GALNT13: variants seen among roughly 807,000 people sequenced by gnomAD.
GALNT13 encodes UDP-GalNAc:polypeptide N-acetylgalactosaminyltransferase 13.
A neutral mutation model predicts 64.2 loss-of-function variants in GALNT13; 28 were observed. The observed-to-expected ratio is 0.44, with a 90% CI of 0.32 to 0.60. The LOEUF (loss-of-function observed/expected upper bound fraction) is 0.60, where lower values mean the gene tolerates loss of function less well. GALNT13 is among the 20% of genes least tolerant of loss of function. The probability of loss-of-function intolerance (pLI) is 0.05; values close to 1 mark genes in which losing one functional copy is unlikely to be tolerated. For synonymous variants in GALNT13, 214 were observed against 224.6 expected, an observed-to-expected ratio of 0.95 and a Z score of 0.42; for missense variants, 577 against 669.8, an observed-to-expected ratio of 0.86 and a Z score of 1.53.
chr2:154,115,764 C>T (rs1703263587), intron 3 of GALNT13, among the ~76,000 whole-genome samples: 1 of 152,124 alleles, frequency 6.6e-6, no homozygotes, highest in Non-Finnish European at 1.5e-5. Flanking sequence ...ACATTAAATG[C>T]AGAGTCCCTA....
the GALNT13 span, among the ~76,000 whole-genome samples, chr2:153,286,599 T>C: frequency 1.3e-5 from 2 of 152,134 alleles, no homozygotes; most frequent in African/African-American, 2.4e-5. Flanking sequence ...GGCAACTTAA[T>C]GAAACAGAAT....
the GALNT13 span, among the ~76,000 whole-genome samples, chr2:153,257,426 A>G: frequency 6.6e-6 from 1 of 151,966 alleles, no homozygotes; most frequent in African/African-American, 2.4e-5. Flanking sequence ...CGTGGCTCAC[A>G]CTGGGAGCTG....
At chr2:154,023,211 CT>C (rs1697665479) in intron 3 of GALNT13, among the ~76,000 whole-genome samples, 6 of 152,130 alleles carry the variant, frequency 3.9e-5, no homozygotes, top group Admixed American at 3.9e-4. Flanking sequence ...ATTAGGTCCA[CT>C]TGGTGCAGAG....
At chr2:153,600,232 A>G in the GALNT13 span, among the ~76,000 whole-genome samples, 1 of 151,972 alleles carries the variant, frequency 6.6e-6, no homozygotes, top group East Asian at 1.9e-4. Flanking sequence ...ATCTTGGATT[A>G]ACTGTTGAGT....
At chr2:153,262,380 T>G in the GALNT13 span, among the ~76,000 whole-genome samples, 2 of 152,096 alleles carry the variant, frequency 1.3e-5, no homozygotes, top group African/African-American at 4.8e-5. Context: ...AAAGAGGAGG[T>G]GGTACCATTT....
chr2:153,369,048 T>C, the GALNT13 span, among the ~76,000 whole-genome samples: 1 of 152,018 alleles, frequency 6.6e-6, no homozygotes, highest in African/African-American at 2.4e-5. Context: ...TATTTGGAAA[T>C]TAAGTATCAT....
chr2:153,461,324 A>G, the GALNT13 span, among the ~76,000 whole-genome samples: 15 of 152,182 alleles, frequency 9.9e-5, 1 homozygote, highest in East Asian at 2.9e-3. Context: ...AGAAGATGCT[A>G]CTCTGACCAC....
the GALNT13 span, among the ~76,000 whole-genome samples, chr2:153,191,621 G>T: frequency 2.0e-5 from 3 of 151,842 alleles, no homozygotes; most frequent in Non-Finnish European, 4.4e-5. Context: ...CCAATTTTTG[G>T]ACTAGTTTGA....
chr2:153,670,089 T>C, the GALNT13 span, among the ~76,000 whole-genome samples: 9 of 152,148 alleles, frequency 5.9e-5, no homozygotes, highest in Non-Finnish European at 1.3e-4. Context: ...CTAGTGCCAC[T>C]CTAGATTCCA....
chr2:153,835,436 C>A, the GALNT13 span, among the ~76,000 whole-genome samples: 1 of 151,552 alleles, frequency 6.6e-6, no homozygotes, highest in Admixed American at 6.6e-5. Flanking sequence ...ATATTTGGTA[C>A]CAGTGATAGT....
the GALNT13 span, among the ~76,000 whole-genome samples, chr2:153,335,699 A>C: frequency 1.3e-5 from 2 of 152,250 alleles, no homozygotes; most frequent in Admixed American, 6.5e-5. Flanking sequence ...AATAGAGAAG[A>C]AAATCCCATT....
chr2:154,076,485 GAT>G (rs1558944640), intron 3 of GALNT13, among the ~76,000 whole-genome samples: 1 of 151,698 alleles, frequency 6.6e-6, no homozygotes, highest in East Asian at 1.9e-4. Context: ...CATACTGAGA[GAT>G]TTAATAAATG....
chr2:154,270,847 G>A (rs1279718309), intron 8 of GALNT13, among the ~76,000 whole-genome samples: 1 of 151,770 alleles, frequency 6.6e-6, no homozygotes, highest in Non-Finnish European at 1.5e-5. Context: ...GGTGCACTAA[G>A]AGAAAATTAT....
At chr2:153,254,639 G>A in the GALNT13 span, among the ~76,000 whole-genome samples, 22 of 151,812 alleles carry the variant, frequency 1.4e-4, no homozygotes, top group East Asian at 2.7e-3. Flanking sequence ...CACTGCTTTG[G>A]ATGTGTCCCA....
At chr2:153,852,742 T>C in the GALNT13 span, among the ~76,000 whole-genome samples, 1 of 152,298 alleles carries the variant, frequency 6.6e-6, no homozygotes, top group South Asian at 2.1e-4. Flanking sequence ...TGGCAGTTTC[T>C]TAAAGCTTTA....
At chr2:154,124,814 A>C (rs1682161224) in intron 3 of GALNT13, among the ~76,000 whole-genome samples, 1 of 152,114 alleles carries the variant, frequency 6.6e-6, no homozygotes, top group African/African-American at 2.4e-5. Flanking sequence ...CCCTTAAATT[A>C]ATTTTAAATG....
At chr2:153,197,774 G>T in the GALNT13 span, among the ~76,000 whole-genome samples, 3 of 152,224 alleles carry the variant, frequency 2.0e-5, no homozygotes, top group African/African-American at 7.2e-5. Context: ...CCCCACGAAG[G>T]TGGGTTACAA....
chr2:153,479,961 C>G, the GALNT13 span, among the ~76,000 whole-genome samples: 1 of 152,178 alleles, frequency 6.6e-6, no homozygotes, highest in Non-Finnish European at 1.5e-5. Flanking sequence ...CTCTTTCTTT[C>G]AGCTGTAACA....
At chr2:153,713,828 A>G in the GALNT13 span, among the ~76,000 whole-genome samples, 1 of 152,164 alleles carries the variant, frequency 6.6e-6, no homozygotes, top group Admixed American at 6.5e-5. Context: ...ATCAAACATC[A>G]ATCAAATAAA....
Sources: allele counts gnomAD v4.1 joint callset (sites outside exome capture counted in the v4.1 genomes callset), GRCh38; gene constraint gnomAD v4.1.1; transcripts MANE v1.5; gene names NCBI Gene and HGNC (gene_info 2026-07-23, HGNC 2026-07-21).